ST8SIA4: variants seen among roughly 807,000 people sequenced by gnomAD.
ST8SIA4 encodes ST8 alpha-N-acetyl-neuraminide alpha-2,8-sialyltransferase 4.
Under a neutral mutation model 33.9 loss-of-function variants are expected in ST8SIA4, and 15 were observed. The ratio of observed to expected loss-of-function variants is 0.44; its 90% CI spans 0.30 to 0.68. The LOEUF is 0.68. Ranked by LOEUF, ST8SIA4 falls within the 30% of genes least tolerant of loss-of-function variation. The pLI is 0.10. For missense variants in ST8SIA4, 321 were observed against 428.0 expected (o/e 0.75, Z 2.21); for synonymous variants, 171 against 151.2 (o/e 1.13, Z -0.96).
At chr5:100,847,402 G>A (rs143801787) in intron 4 of ST8SIA4, among the ~76,000 whole-genome samples, 2 of 152,058 alleles carry the variant, frequency 1.3e-5, no homozygotes, top group African/African-American at 4.8e-5. Flanking sequence ...AAGACTATTG[G>A]GAGCCTGGTC....
chr5:100,890,305 G>GA (rs1157956878), intron 2 of ST8SIA4, among the ~76,000 whole-genome samples: 5 of 151,532 alleles, frequency 3.3e-5, no homozygotes, highest in East Asian at 1.9e-4. Flanking sequence ...CTATAAATAT[G>GA]AAAAAAAATT....
intron 3 of ST8SIA4, chr5:100,886,110 A>C: frequency 5.4e-6 from 7 of 1,292,244 alleles, no homozygotes; most frequent in Non-Finnish European, 6.9e-6. Flanking sequence ...CTCACCAAAA[A>C]AAGCTGTGTG....
intron 4 of ST8SIA4, among the ~76,000 whole-genome samples, chr5:100,827,647 T>G (rs1751172845): frequency 6.6e-6 from 1 of 152,216 alleles, no homozygotes; most frequent in Non-Finnish European, 1.5e-5. Context: ...ATATCCTGGA[T>G]TTTACATTCT....
At chr5:100,900,917 G>C (rs2112489136) in intron 1 of ST8SIA4, among the ~76,000 whole-genome samples, 1 of 152,280 alleles carries the variant, frequency 6.6e-6, no homozygotes, top group Middle Eastern at 3.4e-3. Context: ...CTCTCTTCCT[G>C]TTTGGTTTAC....
At chr5:100,901,246 G>A (rs1752903546) in intron 1 of ST8SIA4, among the ~76,000 whole-genome samples, 1 of 152,134 alleles carries the variant, frequency 6.6e-6, no homozygotes, top group Admixed American at 6.5e-5. Context: ...CTTCTCACTC[G>A]CTCCGCCCAC....
intron 3 of ST8SIA4, among the ~76,000 whole-genome samples, chr5:100,864,524 G>C (rs568274372): frequency 7.3e-6 from 1 of 137,662 alleles, no homozygotes; most frequent in East Asian, 2.3e-4. Context: ...GCAGTGAGCC[G>C]AGATTACGCC....
intron 1 of ST8SIA4, among the ~76,000 whole-genome samples, chr5:100,901,555 T>C (rs1385470291): frequency 6.6e-6 from 1 of 152,186 alleles, no homozygotes; most frequent in Non-Finnish European, 1.5e-5. Flanking sequence ...CCACCCAGTC[T>C]TGTGTAAACG....
chr5:100,866,239 G>T (rs1445455484), intron 3 of ST8SIA4, among the ~76,000 whole-genome samples: 2 of 152,032 alleles, frequency 1.3e-5, no homozygotes, highest in African/African-American at 4.8e-5. Context: ...CCAGACTATG[G>T]ATTCCTTAAA....
chr5:100,816,387 C>T (rs1316731294), intron 4 of ST8SIA4: 3 of 437,492 alleles, frequency 6.9e-6, no homozygotes, highest in South Asian at 1.8e-5. Flanking sequence ...TATTTAACAA[C>T]GTTGATACTA....
intron 3 of ST8SIA4, among the ~76,000 whole-genome samples, chr5:100,876,665 C>A (rs1409374320): frequency 6.6e-6 from 1 of 151,812 alleles, no homozygotes; most frequent in Non-Finnish European, 1.5e-5. Flanking sequence ...AAACATTGAT[C>A]ACAGTGTATT....
intron 4 of ST8SIA4, among the ~76,000 whole-genome samples, chr5:100,832,774 C>T (rs181269622): frequency 2.0e-5 from 3 of 152,038 alleles, no homozygotes; most frequent in Admixed American, 1.3e-4. Context: ...CTCTTCAGGA[C>T]ATTCTCTCAT....
intron 4 of ST8SIA4, among the ~76,000 whole-genome samples, chr5:100,832,969 T>A (rs1319962690): frequency 1.3e-5 from 2 of 152,136 alleles, no homozygotes; most frequent in Admixed American, 1.3e-4. Flanking sequence ...AAGTAATTCT[T>A]CCCTTTATAG....
rs184239741 is a variant in ST8SIA4 at position 100,813,362 on chromosome 5, C to T, written c.798-1233G>A. 2.1e-4 allele frequency among the ~76,000 whole-genome samples: 32 copies of T among 152,132 alleles called. 1 individual carries two copies. The highest frequency in any genetic ancestry group is 3.7e-4 in the Non-Finnish European group (25 of 67,888). The stretch of plus-strand genomic sequence containing the variant: ...CTTTCATTTTCTCCCTTCTCTGAAT[C>T]AGGATTGGCCTCACACATATTCTAT... On this transcript the variant is annotated intron_variant, in intron 4 of 4. Coordinates refer to ENST00000231461, the MANE Select transcript of ST8SIA4 (RefSeq NM_005668.6).
intron 4 of ST8SIA4, among the ~76,000 whole-genome samples, chr5:100,823,349 A>G (rs1354469175): frequency 2.2e-4 from 34 of 152,176 alleles, no homozygotes; most frequent in Non-Finnish European, 5.9e-5. Context: ...AAATAAACAT[A>G]AAAAAGGGCA....
chr5:100,822,988 G>A (rs532492894), intron 4 of ST8SIA4, among the ~76,000 whole-genome samples: 3 of 152,168 alleles, frequency 2.0e-5, no homozygotes, highest in Non-Finnish European at 1.5e-5. Context: ...AAAAGTAGCC[G>A]GGCGTGGTGG....
chr5:100,822,573 T>C (rs1395800632), intron 4 of ST8SIA4, among the ~76,000 whole-genome samples: 1 of 152,200 alleles, frequency 6.6e-6, no homozygotes, highest in African/African-American at 2.4e-5. Context: ...CAAATAATAG[T>C]TCACTGTAAA....
intron 3 of ST8SIA4, chr5:100,885,558 T>A (rs1752518334): frequency 1.1e-6 from 1 of 929,668 alleles, no homozygotes; most frequent in Non-Finnish European, 1.3e-6. Flanking sequence ...TATTGTACTA[T>A]TTCATATTTC....
chr5:100,812,857 C>T (rs866000653), intron 4 of ST8SIA4, among the ~76,000 whole-genome samples: 6 of 152,174 alleles, frequency 3.9e-5, no homozygotes, highest in South Asian at 2.1e-4. Context: ...GTGAAAAGCA[C>T]GCAAACTCAC....
intron 3 of ST8SIA4, among the ~76,000 whole-genome samples, chr5:100,882,063 G>C (rs1752437552): frequency 1.3e-5 from 2 of 152,182 alleles, no homozygotes; most frequent in African/African-American, 4.8e-5. Flanking sequence ...AGCGACTTTG[G>C]AACCGTGTAA....
Sources: allele counts gnomAD v4.1 joint callset (sites outside exome capture counted in the v4.1 genomes callset), GRCh38; gene constraint gnomAD v4.1.1; transcripts MANE v1.5; gene names NCBI Gene and HGNC (gene_info 2026-07-23, HGNC 2026-07-21).